Variants in GSR observed in about 807,000 individuals in gnomAD.
GSR encodes glutathione-disulfide reductase.
Under a neutral mutation model 56.5 loss-of-function variants are expected in GSR, and 48 were observed. The ratio of observed to expected loss-of-function variants is 0.85; its 90% CI spans 0.67 to 1.08. GSR has a LOEUF of 1.08. Among genes scored for constraint, GSR ranks in the 50% least tolerant of loss-of-function variants. GSR has a pLI of 0.00. For synonymous variants in GSR, 264 were observed against 270.8 expected (o/e 0.97, Z 0.25); for missense variants, 694 against 703.3 (o/e 0.99, Z 0.15).
At chr8:30,721,524 G>C (rs1033544846) in intron 1 of GSR, among the ~76,000 whole-genome samples, 1 of 152,006 alleles carries the variant, frequency 6.6e-6, no homozygotes, top group Non-Finnish European at 1.5e-5. Context: ...GTGGTGGCGG[G>C]CACCTGTAAT....
At chr8:30,708,620 C>A (rs977575203) in intron 3 of GSR, among the ~76,000 whole-genome samples, 5 of 152,104 alleles carry the variant, frequency 3.3e-5, no homozygotes, top group Non-Finnish European at 7.3e-5. Flanking sequence ...TGAACAGATA[C>A]CCATATACGA....
intron 1 of GSR, among the ~76,000 whole-genome samples, chr8:30,722,887 G>A (rs1429264821): frequency 2.0e-5 from 3 of 152,124 alleles, no homozygotes; most frequent in Non-Finnish European, 2.9e-5. Context: ...ATGATTCACT[G>A]AGCAGCCTGC....
chr8:30,701,433 T>C (rs1362240984), intron 5 of GSR, among the ~76,000 whole-genome samples: 1 of 151,644 alleles, frequency 6.6e-6, no homozygotes, highest in Non-Finnish European at 1.5e-5. Context: ...CCCATTGCAC[T>C]CCAGCCTGGG....
At position 30,682,035 on chromosome 8, in the gene GSR, C is replaced by T. The variant is rs1802978080; in HGVS notation, c.1180G>A (p.Ala394Thr). 1.9e-6 allele frequency: 3 copies of T among 1,613,362 alleles called. No individual in the cohort carries two copies. The South Asian group carries it at 3.3e-5, about 18-fold the overall frequency. Residue 394 changes from alanine (A) to threonine (T), a missense_variant, in exon 11 of 13, where the codon GCC becomes ACC. Physicochemically the swap from Ala to Thr is moderately conservative, Grantham distance 58. Transcript: ENST00000221130. ...PVAIAAGRKL[A>T]HRLFEYKEDS... ...TCCTTATATTCAAAAAGTCGATGGGCAAGTTTTCGGCCAGCAGCTATTGCA... is the reference window on the plus strand; with the variant it reads ...TCCTTATATTCAAAAAGTCGATGGGTAAGTTTTCGGCCAGCAGCTATTGCA...
rs369230085 is a variant in GSR at position 30,679,480 on chromosome 8, T to G, written c.*40A>C. The G allele has an allele frequency of 1.6e-4, 260 of 1,590,476 alleles. No individual in the cohort carries two copies. Among genetic ancestry groups the G allele is most frequent in the Non-Finnish European group, 2.2e-4 (254 of 1,158,832 alleles). On this transcript the variant is annotated 3_prime_UTR_variant, in exon 13 of 13. Coordinates refer to ENST00000221130, the MANE Select transcript of GSR (RefSeq NM_000637.5). The stretch of plus-strand genomic sequence containing the variant: ...TGATTATTTGTTTCATTTCAGAAGA[T>G]CTATGGGTCCCACTGCCCGCCACAC...
At chr8:30,727,484 C>A in intron 1 of GSR, 46 bp downstream of exon 1, 4 of 1,501,976 alleles carry the variant, frequency 2.7e-6, no homozygotes, top group Non-Finnish European at 3.6e-6. Flanking sequence ...CCCGAAAGAC[C>A]GAGACAAAGA....
intron 5 of GSR, among the ~76,000 whole-genome samples, chr8:30,701,749 C>A (rs184928855): frequency 2.3e-5 from 3 of 130,564 alleles, no homozygotes; most frequent in Non-Finnish European, 4.7e-5. Context: ...GTGGAGATTG[C>A]GCCACTGCAC....
Position 30,679,510 on chromosome 8 carries a change from C to A in GSR, c.*10G>T. On this transcript the variant is annotated 3_prime_UTR_variant, in exon 13 of 13. Coordinates refer to ENST00000221130, the MANE Select transcript of GSR (RefSeq NM_000637.5). ...GGGTCCCACTGCCCGCCACACGTGT[C>A]TCCTGGTTCTCAACGAAGTGTGACC... The A allele has an allele frequency of 6.2e-7, 1 of 1,613,550 alleles. No individual in the cohort carries two copies. The highest frequency in any genetic ancestry group is 8.5e-7 in the Non-Finnish European group (1 of 1,179,526).
chr8:30,704,078 A>G (rs1021378191), intron 4 of GSR, among the ~76,000 whole-genome samples: 1 of 152,074 alleles, frequency 6.6e-6, no homozygotes, highest in Non-Finnish European at 1.5e-5. Context: ...TAATTCCAGC[A>G]CTTTGGAAGG....
intron 3 of GSR, 41 bp from the exon 4 acceptor site, chr8:30,708,182 C>T: frequency 7.0e-7 from 1 of 1,423,350 alleles, no homozygotes; most frequent in Non-Finnish European, 9.9e-7. Flanking sequence ...ACAGGATCTT[C>T]CCCTTCTAGT....
chr8:30,714,584 T>A (rs1804264310), intron 1 of GSR, among the ~76,000 whole-genome samples: 1 of 152,164 alleles, frequency 6.6e-6, no homozygotes, highest in African/African-American at 2.4e-5. Context: ...GGTCTCAAAC[T>A]CCTGGGCTCA....
intron 12 of GSR, among the ~76,000 whole-genome samples, 177 bp from the exon 13 acceptor site, chr8:30,679,846 C>G (rs1802883693): frequency 6.6e-6 from 1 of 151,774 alleles, no homozygotes; most frequent in Non-Finnish European, 1.5e-5. Context: ...GCTGGGATTA[C>G]AGGCGCGCAC....
rs1184013844 is a variant in GSR, at chr8:30,689,877, G to T, written c.883-558C>A. 1.2e-4 allele frequency among the ~76,000 whole-genome samples: 16 copies of T among 137,004 alleles called. 1 individual carries two copies. The highest frequency in any genetic ancestry group is 2.7e-5 in the African/African-American group (1 of 37,008). 89.9% of individuals were successfully genotyped at this position (137,004 alleles called of 152,430 possible). A position where few individuals can be genotyped will look rare whatever the true frequency, so the allele number is the denominator to read the frequency against. On this transcript the variant is annotated intron_variant, in intron 8 of 12. Transcript: ENST00000221130. ...TAAATATATTTATATATAAATATAT[G>T]TATATTATATATAAATTATATTTTT... is the stretch of plus-strand genomic sequence containing the variant.
chr8:30,726,429 T>C lies in GSR; in HGVS notation c.306+1101A>G, dbSNP rs75490445. On this transcript the variant is annotated intron_variant, in intron 1 of 12. Coordinates refer to ENST00000221130, the MANE Select transcript of GSR (RefSeq NM_000637.5). ...AATCGTCAACACCCAAATCTTGTGA[T>C]AGAAAAGGGCGGGCACACCAATAAC... Among the ~76,000 whole-genome samples the C allele has an allele frequency of 6.4e-3, 975 of 152,242 alleles. 16 individuals carry two copies. Among genetic ancestry groups the C allele is most frequent in the African/African-American group, 0.022 (904 of 41,536 alleles).
intron 6 of GSR, among the ~76,000 whole-genome samples, chr8:30,699,768 T>C (rs1468075306): frequency 6.6e-6 from 1 of 152,050 alleles, no homozygotes; most frequent in East Asian, 1.9e-4. Flanking sequence ...TATTCTAAAA[T>C]ACAAGCTACT....
At position 30,696,471 on chromosome 8, in the gene GSR, A is replaced by G; in HGVS notation, c.704T>C (p.Val235Ala). 1 of 1,610,418 alleles carries G rather than the reference A, an allele frequency of 6.2e-7. No homozygotes were observed. Among genetic ancestry groups the G allele is most frequent in the Non-Finnish European group, 8.5e-7 (1 of 1,176,652 alleles). Residue 235 changes from valine (V) to alanine (A), a missense_variant, in exon 7 of 13, where the codon GTC becomes GCC. Val to Ala is a moderately conservative substitution (Grantham distance 64, BLOSUM62 0). Transcript: ENST00000221130. Reference sequence around the variant, plus strand: ...AGCAATGTAACCTGCACCAACAATGACGCTGCGGCTGAGACGCGAGCAGAG... The same window carrying G: ...AGCAATGTAACCTGCACCAACAATGGCGCTGCGGCTGAGACGCGAGCAGAG... ...FQLEELPGRS[V>A]IVGAGYIAVE...
At chr8:30,696,576 CT>C in intron 6 of GSR, 97 bp from the exon 7 acceptor site, 1 of 802,178 alleles carries the variant, frequency 1.2e-6, no homozygotes, top group Non-Finnish European at 2.2e-6. Flanking sequence ...AGAGATTTCC[CT>C]TATTATACCC....
intron 12 of GSR, among the ~76,000 whole-genome samples, 188 bp from the exon 13 acceptor site, chr8:30,679,857 C>A (rs1802884116): frequency 1.3e-5 from 2 of 151,860 alleles, no homozygotes; most frequent in African/African-American, 4.8e-5. Context: ...AGGCGCGCAC[C>A]ACCACGCCTG....
In GSR at chr8:30,727,400, A is replaced by G; in HGVS notation, c.306+130T>C. 3.4e-6 allele frequency: 3 copies of G among 876,170 alleles called. No homozygotes were observed. In the South Asian group the frequency reaches 4.8e-5, roughly 14 times the overall value. 54.3% of individuals were successfully genotyped at this position (876,170 alleles called of 1,614,324 possible). A position where few individuals can be genotyped will look rare whatever the true frequency, so the allele number is the denominator to read the frequency against. The stretch of plus-strand genomic sequence containing the variant: ...CTGGGTTCCTGGCTTCGGAATGGGG[A>G]GTTGCGGGGGTGGAAAAGAGGAAAG... On this transcript the variant is annotated intron_variant, in intron 1 of 12. Coordinates refer to ENST00000221130, the MANE Select transcript of GSR (RefSeq NM_000637.5).
Sources: allele counts gnomAD v4.1 joint callset (sites outside exome capture counted in the v4.1 genomes callset), GRCh38; gene constraint gnomAD v4.1.1; transcripts MANE v1.5; gene names NCBI Gene and HGNC (gene_info 2026-07-23, HGNC 2026-07-21).